COL12A1: variants seen among roughly 807,000 people sequenced by gnomAD.
COL12A1 encodes collagen type XII alpha 1 chain.
Under a neutral mutation model 349.7 loss-of-function variants are expected in COL12A1, and 114 were observed. The observed-to-expected ratio is 0.33, with a 90% CI of 0.28 to 0.38. The LOEUF is 0.38. Ranked by LOEUF, COL12A1 falls within the 10% of genes least tolerant of loss-of-function variation. The pLI, the probability that COL12A1 is intolerant of heterozygous loss-of-function variation, is 1.00. For synonymous variants in COL12A1, 1,369 were observed against 1,329.0 expected, an observed-to-expected ratio of 1.03 and a Z score of -0.66; for missense variants, 3,284 against 3,756.9, an observed-to-expected ratio of 0.87 and a Z score of 3.29.
chr6:75,125,878 T>G (rs1023343807), intron 39 of COL12A1, among the ~76,000 whole-genome samples: 1 of 152,086 alleles, frequency 6.6e-6, no homozygotes, highest in African/African-American at 2.4e-5. Flanking sequence ...GACAAAATAT[T>G]AAAACAAAAA....
At chr6:75,181,900 G>A (rs950221559) in intron 10 of COL12A1, among the ~76,000 whole-genome samples, 1 of 150,676 alleles carries the variant, frequency 6.6e-6, no homozygotes, top group Non-Finnish European at 1.5e-5. Flanking sequence ...GACCAGACTA[G>A]CCAACATGGG....
chr6:75,161,522 C>G (rs1768026535), intron 14 of COL12A1, among the ~76,000 whole-genome samples: 1 of 151,900 alleles, frequency 6.6e-6, no homozygotes. Context: ...GCTCCTTGTT[C>G]AAAAGAGGCC....
chr6:75,108,164 C>A (rs1332021), intron 52 of COL12A1, among the ~76,000 whole-genome samples: 105,634 of 151,890 alleles, frequency 0.7, 40,476 homozygotes, highest in Non-Finnish European at 0.86. Flanking sequence ...TCTGCAGCTG[C>A]AAATTCCTAG....
Position 75,183,843 on chromosome 6 carries a change from C to A in COL12A1, c.1288+11G>T, listed in dbSNP as rs1449297874. ...CATATTCCAAATACAATGATGCACA[C>A]ATTGACTTACCCACTTGAACTTTCA... On this transcript the variant is annotated intron_variant, in intron 9 of 65. Coordinates refer to ENST00000322507, the MANE Select transcript of COL12A1 (RefSeq NM_004370.6). 6.2e-7 allele frequency: 1 copy of A among 1,613,314 alleles called. No individual in the cohort carries two copies. The highest frequency in any genetic ancestry group is 8.5e-7 in the Non-Finnish European group (1 of 1,179,392).
rs762181043 is a variant in COL12A1 at position 75,121,287 on chromosome 6, C to A, written c.7086+15G>T. On this transcript the variant is annotated intron_variant, in intron 44 of 65. Coordinates refer to ENST00000322507, the MANE Select transcript of COL12A1 (RefSeq NM_004370.6). ...GACATCACAAATGAGTAGCCACTGG[C>A]GGAATGACACTAACCTGAATCCCAG... The A allele has an allele frequency of 1.3e-6, 2 of 1,558,630 alleles. No homozygotes were observed. Among genetic ancestry groups the A allele is most frequent in the Middle Eastern group, 1.7e-4 (1 of 5,826 alleles).
intron 60 of COL12A1, among the ~76,000 whole-genome samples, chr6:75,094,050 T>C (rs756901931): frequency 6.6e-6 from 1 of 152,218 alleles, no homozygotes; most frequent in Non-Finnish European, 1.5e-5. Context: ...GTTTTTAAAG[T>C]ATTTAGGTTG....
At chr6:75,147,888 A>C in intron 22 of COL12A1, 84 bp from the exon 23 acceptor site, 2 of 1,411,846 alleles carry the variant, frequency 1.4e-6, no homozygotes, top group Non-Finnish European at 1.9e-6. Flanking sequence ...AGTTAACTGC[A>C]GTGAGCTTAG....
At chr6:75,203,265 T>C (rs1292774013) in intron 1 of COL12A1, among the ~76,000 whole-genome samples, 1 of 152,232 alleles carries the variant, frequency 6.6e-6, no homozygotes, top group Non-Finnish European at 1.5e-5. Context: ...CAGGGTAATT[T>C]GGAAAAGTAT....
At chr6:75,134,278 C>T (rs149822814) in intron 32 of COL12A1, among the ~76,000 whole-genome samples, 77 of 152,182 alleles carry the variant, frequency 5.1e-4, no homozygotes, top group South Asian at 1.2e-3. Flanking sequence ...ATGTTAAAAA[C>T]GATCAATATG....
intron 31 of COL12A1, among the ~76,000 whole-genome samples, chr6:75,135,392 C>A (rs770532461): frequency 2.0e-5 from 3 of 152,292 alleles, no homozygotes; most frequent in South Asian, 2.1e-4. Context: ...CATGACCAGA[C>A]CTTTTGCCAG....
At chr6:75,185,002 T>C (rs1769536060) in intron 8 of COL12A1, among the ~76,000 whole-genome samples, 1 of 152,090 alleles carries the variant, frequency 6.6e-6, no homozygotes, top group Non-Finnish European at 1.5e-5. Flanking sequence ...ATGTAGGACA[T>C]AAAAGTGATG....
Position 75,192,320 on chromosome 6 carries a change from T to A in COL12A1, c.226A>T (p.Thr76Ser). The A allele has an allele frequency of 1.9e-6, 3 of 1,611,802 alleles. No individual in the cohort carries two copies. Among genetic ancestry groups the A allele is most frequent in the Non-Finnish European group, 2.5e-6 (3 of 1,178,582 alleles). Reference sequence around the variant, plus strand: ...AGTTCTGACAATAAAGTTTCAGTGGTACTAGCTGAAAGGGTAAATTCTTTA... The same window carrying A: ...AGTTCTGACAATAAAGTTTCAGTGGAACTAGCTGAAAGGGTAAATTCTTTA... ...PTKEFTLSAS[T>S]TETLLSELVP... The change falls in exon 4 of 66, where the codon ACC becomes TCC. Residue 76 changes from threonine to serine, a missense_variant. Physicochemically the swap from Thr to Ser is moderately conservative, Grantham distance 58. Transcript: ENST00000322507.
At chr6:75,130,385 T>G in intron 36 of COL12A1, 152 bp from the exon 37 acceptor site, 1 of 854,310 alleles carries the variant, frequency 1.2e-6, no homozygotes, top group Non-Finnish European at 1.8e-6. Context: ...TAATGTGAAA[T>G]CATAAACAGT....
In COL12A1 at chr6:75,201,799, C is replaced by T. The variant is rs553117866; in HGVS notation, c.73+921G>A. 9.2e-5 allele frequency among the ~76,000 whole-genome samples: 14 copies of T among 152,284 alleles called. No homozygotes were observed. The South Asian group carries it at 2.7e-3, about 29-fold the overall frequency. ...CTGAGAAATTAAGACATCAAGTGCA[C>T]ACAACAAATAAAATTGGGTGGGACA... On this transcript the variant is annotated intron_variant, in intron 2 of 65. Coordinates refer to ENST00000322507, the MANE Select transcript of COL12A1 (RefSeq NM_004370.6).
At chr6:75,199,026 C>T (rs1485079364) in intron 2 of COL12A1, among the ~76,000 whole-genome samples, 1 of 152,146 alleles carries the variant, frequency 6.6e-6, no homozygotes, top group Non-Finnish European at 1.5e-5. Context: ...AAATCCATTT[C>T]ATTTGAGTTT....
Position 75,119,454 on chromosome 6 carries a change from C to T in COL12A1, c.7106G>A (p.Ser2369Asn). The T allele has an allele frequency of 6.2e-7, 1 of 1,611,954 alleles. No homozygotes were observed. The highest frequency in any genetic ancestry group is 8.5e-7 in the Non-Finnish European group (1 of 1,179,086). ...AGIQVSFVQY[S>N]DEVKSEFKLN... is the part of the protein sequence containing the mutation. ...CTTGAACTCAGACTTGACCTCATCG[C>T]TGTATTGCACAAATGAAACCTGAAG... is the stretch of plus-strand genomic sequence containing the variant. The change falls in exon 45 of 66, where the codon AGC becomes AAC. Residue 2369 changes from serine (S) to asparagine (N), a missense_variant. Ser to Asn is a conservative substitution (Grantham distance 46). Around this residue, in one of 2 missense-constraint regions of COL12A1, gnomAD observed 683 missense variants for 932.1 expected, o/e 0.73. Coordinates refer to ENST00000322507, the MANE Select transcript of COL12A1 (RefSeq NM_004370.6).
chr6:75,132,866 A>AT (rs1766378150), intron 34 of COL12A1, among the ~76,000 whole-genome samples: 1 of 152,242 alleles, frequency 6.6e-6, no homozygotes, highest in Admixed American at 6.5e-5. Context: ...AAGCATACAG[A>AT]TTTTAAGATC....
rs1400495680 is a variant in COL12A1 at position 75,121,382 on chromosome 6, C to A, written c.7006G>T (p.Asp2336Tyr). Residue 2336 changes from aspartate (D) to tyrosine (Y), a missense_variant, in exon 44 of 66, where the codon GAC (aspartate) becomes TAC (tyrosine). This residue lies in a region of COL12A1 where 683 missense variants were observed against 932.1 expected (regional missense o/e 0.73). Transcript: ENST00000322507. ...FLTDASWSIG[D>Y]DNFNKVVKFI... ...TTTACAACTTTGTTAAAATTATCGT[C>A]CCCAATGCTCCAGGAGGCATCAGTC... is the stretch of plus-strand genomic sequence containing the variant. 4.3e-6 allele frequency: 7 copies of A among 1,612,178 alleles called. No homozygotes were observed. Among genetic ancestry groups the A allele is most frequent in the East Asian group, 2.2e-5 (1 of 44,844 alleles).
chr6:75,148,233 T>A (rs569712029), intron 22 of COL12A1, 125 bp downstream of exon 22: 2 of 903,082 alleles, frequency 2.2e-6, no homozygotes, highest in African/African-American at 3.4e-5. Flanking sequence ...AAAGCACTAT[T>A]CTTGACTCAT....
Sources: gnomAD v4.1 joint callset for allele counts (sites outside exome capture counted in the v4.1 genomes callset) on GRCh38, gnomAD v4.1.1 for gene constraint, gnomAD v4.1.1 regional missense constraint, MANE v1.5 for transcripts, NCBI Gene and HGNC (gene_info 2026-07-23, HGNC 2026-07-21) for gene names.